Variants in FEZ1 observed in about 807,000 individuals in gnomAD.
FEZ1 encodes the protein fasciculation and elongation protein zeta-1.
FEZ1 carries 20 observed loss-of-function variants against 49.3 expected under a neutral mutation model. The ratio of observed to expected loss-of-function variants is 0.41; its 90% CI spans 0.29 to 0.59. The LOEUF (loss-of-function observed/expected upper bound fraction) is 0.59. Ranked by LOEUF, FEZ1 falls within the 20% of genes least tolerant of loss-of-function variation. FEZ1 has a pLI of 0.36. For missense variants in FEZ1, 413 were observed against 476.0 expected, an observed-to-expected ratio of 0.87 and a Z score of 1.23; for synonymous variants, 170 against 180.9, an observed-to-expected ratio of 0.94 and a Z score of 0.48.
chr11:125,475,288 A>ACG (rs1482661769), intron 3 of FEZ1, among the ~76,000 whole-genome samples: 1 of 147,328 alleles, frequency 6.8e-6, no homozygotes, highest in African/African-American at 2.7e-5. Flanking sequence ...ACACACACAC[A>ACG]CACACACACA....
chr11:125,465,130 A>G (rs1231287228), intron 3 of FEZ1, among the ~76,000 whole-genome samples: 1 of 152,234 alleles, frequency 6.6e-6, no homozygotes, highest in African/African-American at 2.4e-5. Context: ...TGTGAGCCCA[A>G]GTTAGGCTCA....
At position 125,460,549 on chromosome 11, in the gene FEZ1, G is replaced by T. The variant is rs1180551140; in HGVS notation, c.616C>A (p.Gln206Lys). The T allele has an allele frequency of 6.2e-7, 1 of 1,614,024 alleles. No individual in the cohort carries two copies. The highest frequency in any genetic ancestry group is 1.3e-5 in the African/African-American group (1 of 74,918). The change falls in exon 5 of 10, where the codon CAG becomes AAG. Residue 206 changes from glutamine (Q) to lysine (K), a missense_variant. By Grantham distance (53) the Gln-to-Lys change is moderately conservative. Transcript: ENST00000278919. ...TSSQADSVLL[Q>K]EMQALTQTFN... ...GTCTGTGTCAATGCCTGCATCTCCT[G>T]CAGGAGGACCGAGTCTGCCTGGGAG...
intron 2 of FEZ1, among the ~76,000 whole-genome samples, chr11:125,488,459 T>G (rs1398355337): frequency 6.6e-6 from 1 of 152,096 alleles, no homozygotes; most frequent in Non-Finnish European, 1.5e-5. Context: ...GGCGGGCAAA[T>G]CACCAGGTCA....
chr11:125,475,942 A>G (rs1565300343), intron 3 of FEZ1, among the ~76,000 whole-genome samples: 1 of 152,256 alleles, frequency 6.6e-6, no homozygotes, highest in Non-Finnish European at 1.5e-5. Context: ...TGATATATCC[A>G]TACAACAGAA....
In FEZ1 at chr11:125,463,553, C is replaced by T. The variant is rs1193513011; in HGVS notation, c.429G>A (p.Glu143=). ...CSDTEIHEKE[E]EEFNEKSEND... is the part of the protein sequence containing the mutation. ...TTTCACTCTTCTCATTGAACTCTTC[C>T]TCTTCTTTCTCATGGATCTGGAGAG... The change falls in exon 4 of 10, where the codon GAG becomes GAA. Residue 143 remains glutamate (E), a synonymous_variant. Transcript: ENST00000278919. The T allele has an allele frequency of 5.0e-6, 8 of 1,608,970 alleles. No homozygotes were observed. Among genetic ancestry groups the T allele is most frequent in the Admixed American group, 1.7e-5 (1 of 59,986 alleles).
chr11:125,471,842 C>A (rs1421227888), intron 3 of FEZ1, among the ~76,000 whole-genome samples: 1 of 152,088 alleles, frequency 6.6e-6, no homozygotes. Context: ...ATATTACATT[C>A]ACTAAGACGT....
At chr11:125,465,733 GCTTCCCCACCTCCATC>G (rs1373478660) in intron 3 of FEZ1, among the ~76,000 whole-genome samples, 5 of 152,068 alleles carry the variant, frequency 3.3e-5, no homozygotes, top group African/African-American at 1.2e-4. Flanking sequence ...TAATCCTTGG[GCTTCCCCACCTCCATC>G]GTGCCCCAGC....
chr11:125,461,431 A>AC (rs1957073208), intron 4 of FEZ1, among the ~76,000 whole-genome samples: 1 of 152,154 alleles, frequency 6.6e-6, no homozygotes, highest in African/African-American at 2.4e-5. Flanking sequence ...ACATGGCGAA[A>AC]CCCCATCTCT....
chr11:125,472,539 T>C (rs1957192962), intron 3 of FEZ1, among the ~76,000 whole-genome samples: 1 of 152,132 alleles, frequency 6.6e-6, no homozygotes, highest in Admixed American at 6.5e-5. Flanking sequence ...ATGTAACTTA[T>C]CAAACCTGAC....
intron 4 of FEZ1, among the ~76,000 whole-genome samples, chr11:125,461,299 G>T (rs1957072058): frequency 6.6e-6 from 1 of 152,152 alleles, no homozygotes; most frequent in African/African-American, 2.4e-5. Flanking sequence ...TTAGATATCT[G>T]CCAAAAGGAA....
Position 125,456,097 on chromosome 11 carries a change from T to C in FEZ1, c.677A>G (p.His226Arg). 3.1e-6 allele frequency: 5 copies of C among 1,595,392 alleles called. No homozygotes were observed. The highest frequency in any genetic ancestry group is 4.3e-6 in the Non-Finnish European group (5 of 1,171,574). ...CTCGGTCAGCTCAGACCCAGACATG[T>C]GCCTCAGCCCTGCAGGGGAAGACCG... is the stretch of plus-strand genomic sequence containing the variant. Reference protein sequence around the residue: ...NNNWSYEGLRHMSGSELTELL... With the variant: ...NNNWSYEGLRRMSGSELTELL... Residue 226 changes from histidine (H) to arginine (R), a missense_variant, in exon 6 of 10, where the codon CAC (histidine) becomes CGC (arginine). Coordinates refer to ENST00000278919, the MANE Select transcript of FEZ1 (RefSeq NM_005103.5).
At chr11:125,459,065 CA>C (rs879389728) in intron 5 of FEZ1, among the ~76,000 whole-genome samples, 1 of 150,994 alleles carries the variant, frequency 6.6e-6, no homozygotes, top group Non-Finnish European at 1.5e-5. Context: ...GACTCTGTCT[CA>C]AAAAAAAGAA....
At chr11:125,466,766 T>G (rs1957134422) in intron 3 of FEZ1, among the ~76,000 whole-genome samples, 1 of 152,196 alleles carries the variant, frequency 6.6e-6, no homozygotes, top group African/African-American at 2.4e-5. Context: ...AGTGAAGTAT[T>G]CTGAATGATG....
chr11:125,463,758 A>C (rs2135754241), intron 3 of FEZ1, among the ~76,000 whole-genome samples, 188 bp from the exon 4 acceptor site: 1 of 152,324 alleles, frequency 6.6e-6, no homozygotes, highest in South Asian at 2.1e-4. Context: ...CACTAACTCC[A>C]GCATGCCAGA....
At chr11:125,482,664 C>G (rs906422242) in intron 2 of FEZ1, among the ~76,000 whole-genome samples, 1 of 151,942 alleles carries the variant, frequency 6.6e-6, no homozygotes, top group Non-Finnish European at 1.5e-5. Context: ...GCCAATGGCA[C>G]CTGAATTAAT....
At chr11:125,460,745 G>T (rs1957067364) in intron 4 of FEZ1, 79 bp from the exon 5 acceptor site, 4 of 1,246,806 alleles carry the variant, frequency 3.2e-6, no homozygotes, top group Non-Finnish European at 2.2e-6. Context: ...ATCAGTTAAG[G>T]ATGTTCCTAA....
At chr11:125,469,995 G>A (rs181326542) in intron 3 of FEZ1, among the ~76,000 whole-genome samples, 1 of 152,192 alleles carries the variant, frequency 6.6e-6, no homozygotes, top group East Asian at 1.9e-4. Flanking sequence ...GATTATAGGA[G>A]TAAACCACCA....
Position 125,489,211 on chromosome 11 carries a change from T to A in FEZ1, c.311+256A>T. 1 of 1,141,554 alleles carries A rather than the reference T, an allele frequency of 8.8e-7. No individual in the cohort carries two copies. Among genetic ancestry groups the A allele is most frequent in the Admixed American group, 4.7e-5 (1 of 21,204 alleles). The allele number at this position is 1,141,554 out of a possible 1,614,324, so 70.7% of individuals were successfully genotyped here. On this transcript the variant is annotated intron_variant, in intron 2 of 9. Coordinates refer to ENST00000278919, the MANE Select transcript of FEZ1 (RefSeq NM_005103.5). The surrounding 1 kb of genome is among the most constrained non-coding windows in gnomAD (Gnocchi z 4.2). ...GATAGACAGACCCTGAAATTTACTG[T>A]GCTCCTGAAATTCCATTTTGTATCT...
At chr11:125,455,801 A>G in intron 6 of FEZ1, 34 bp downstream of exon 6, 1 of 1,611,934 alleles carries the variant, frequency 6.2e-7, no homozygotes, top group Non-Finnish European at 8.5e-7. Context: ...TGGAGGTTGG[A>G]GGCACCCAGT....
Sources: allele counts gnomAD v4.1 joint callset (sites outside exome capture counted in the v4.1 genomes callset), GRCh38; gene constraint gnomAD v4.1.1; non-coding constraint Gnocchi (gnomAD v3.1); transcripts MANE v1.5; gene names NCBI Gene and HGNC (gene_info 2026-07-23, HGNC 2026-07-21).